The following PKP2 variants were observed in gnomAD, a reference collection of about 807,000 sequenced individuals.
The protein encoded by PKP2 is plakophilin 2, also known as plakophilin-2.
Under a neutral mutation model 83.4 loss-of-function variants are expected in PKP2, and 73 were observed. The observed-to-expected ratio is 0.88, with a 90% confidence interval of 0.72 to 1.06. PKP2 has a LOEUF of 1.06. PKP2 is among the 50% of genes least tolerant of loss of function. The pLI is 0.00. For missense variants in PKP2, 966 were observed against 1,065.4 expected, an observed-to-expected ratio of 0.91 and a Z score of 1.30; for synonymous variants, 409 against 430.4, an observed-to-expected ratio of 0.95 and a Z score of 0.62.
chr12:32,849,014 A>G (rs562953165), intron 5 of PKP2, among the ~76,000 whole-genome samples: 45 of 151,888 alleles, frequency 3.0e-4, no homozygotes, highest in African/African-American at 1.0e-3. Flanking sequence ...TTAAAAAAAA[A>G]AAAAAAAAAA....
At position 32,865,681 on chromosome 12, in the gene PKP2, C is replaced by CAAAAAAAAAAA. The variant is rs765071380; in HGVS notation, c.1170+3235_1170+3245dup. Among the ~76,000 whole-genome samples the CAAAAAAAAAAA allele has an allele frequency of 1.1e-3, 111 of 103,650 alleles. 11 individuals are homozygous for CAAAAAAAAAAA. The highest frequency in any genetic ancestry group is 5.5e-3 in the African/African-American group (98 of 17,872). 68.0% of individuals were successfully genotyped at this position (103,650 alleles called of 152,430 possible). A position where few individuals can be genotyped will look rare whatever the true frequency, so the allele number is the denominator to read the frequency against. ...TGTCTGGAACAGAGTGACTCCGTCT[C>CAAAAAAAAAAA]AAAAAAAAAAAGACAAATAGATCAA... On this transcript the variant is annotated intron_variant, in intron 4 of 12. Coordinates refer to ENST00000340811, the MANE Select transcript of PKP2 (RefSeq NM_001005242.3).
chr12:32,846,345 T>A (rs2137847650), intron 5 of PKP2, among the ~76,000 whole-genome samples: 1 of 149,990 alleles, frequency 6.7e-6, no homozygotes, highest in South Asian at 2.1e-4. Flanking sequence ...GTGGGGGGAG[T>A]GGGGGTGTCT....
At chr12:32,874,963 G>T (rs1419405751) in intron 3 of PKP2, among the ~76,000 whole-genome samples, 1 of 152,038 alleles carries the variant, frequency 6.6e-6, no homozygotes, top group African/African-American at 2.4e-5. Context: ...TGCCCAAGCT[G>T]GTCTCAAACT....
intron 6 of PKP2, among the ~76,000 whole-genome samples, chr12:32,834,143 C>A (rs1565584593): frequency 6.6e-6 from 1 of 152,150 alleles, no homozygotes; most frequent in Non-Finnish European, 1.5e-5. Flanking sequence ...AACTTTCATC[C>A]CTCTCTTAAA....
intron 5 of PKP2, among the ~76,000 whole-genome samples, chr12:32,844,449 GAT>G (rs1399978320): frequency 6.6e-6 from 1 of 152,086 alleles, no homozygotes; most frequent in African/African-American, 2.4e-5. Context: ...AAAACCAACT[GAT>G]ATTAGGAGCT....
At chr12:32,814,707 T>C (rs1956304977) in intron 9 of PKP2, among the ~76,000 whole-genome samples, 1 of 152,144 alleles carries the variant, frequency 6.6e-6, no homozygotes, top group Non-Finnish European at 1.5e-5. Flanking sequence ...GCAGATCACC[T>C]GAGGTCAGGA....
chr12:32,830,033 C>T lies in PKP2; in HGVS notation c.1557-5871G>A, dbSNP rs569041096. Among the ~76,000 whole-genome samples, 74 of 152,262 alleles carry T rather than the reference C, an allele frequency of 4.9e-4. No homozygotes were observed. The Middle Eastern group carries it at 0.01, about 21-fold the overall frequency. On this transcript the variant is annotated intron_variant, in intron 6 of 12. Transcript: ENST00000340811. Reference sequence around the variant, plus strand: ...CTCAATGGTTTTAAAAAATTATGCACGCATCACCAACAAGTATAGACTTCC... The same window carrying T: ...CTCAATGGTTTTAAAAAATTATGCATGCATCACCAACAAGTATAGACTTCC...
At chr12:32,816,072 T>C (rs962582923) in intron 9 of PKP2, among the ~76,000 whole-genome samples, 20 of 152,314 alleles carry the variant, frequency 1.3e-4, no homozygotes, top group Admixed American at 1.3e-3. Context: ...CAAATGTTTA[T>C]TGGCCTTTAA....
chr12:32,860,392 T>C (rs770353060), intron 4 of PKP2, among the ~76,000 whole-genome samples: 1 of 152,174 alleles, frequency 6.6e-6, no homozygotes, highest in African/African-American at 2.4e-5. Context: ...CAGCTCCTCA[T>C]GTTCACACAG....
intron 6 of PKP2, among the ~76,000 whole-genome samples, chr12:32,836,970 T>C (rs1390749241): frequency 6.6e-6 from 1 of 152,228 alleles, no homozygotes. Context: ...ACATTTACCC[T>C]GAAGTTGTCT....
intron 5 of PKP2, among the ~76,000 whole-genome samples, chr12:32,846,552 C>A (rs972386470): frequency 1.3e-5 from 2 of 151,992 alleles, no homozygotes; most frequent in Non-Finnish European, 2.9e-5. Flanking sequence ...CGAGACCAGC[C>A]TGACCAACAT....
chr12:32,870,071 G>C (rs1186479874), intron 3 of PKP2, among the ~76,000 whole-genome samples: 1 of 152,118 alleles, frequency 6.6e-6, no homozygotes, highest in South Asian at 2.1e-4. Flanking sequence ...ATGCTTTAAA[G>C]GTAATTTAGG....
chr12:32,845,322 G>C (rs1027499393), intron 5 of PKP2, among the ~76,000 whole-genome samples: 9 of 152,152 alleles, frequency 5.9e-5, no homozygotes, highest in African/African-American at 1.9e-4. Flanking sequence ...GAGGCCGAGG[G>C]GGGCGGATCA....
intron 6 of PKP2, chr12:32,824,366 C>T (rs969007608): frequency 2.5e-5 from 14 of 570,970 alleles, no homozygotes; most frequent in South Asian, 1.4e-4. Flanking sequence ...CCAAACAACA[C>T]GTAATTGTGT....
chr12:32,838,071 T>C (rs1482264968), intron 6 of PKP2, among the ~76,000 whole-genome samples: 3 of 152,140 alleles, frequency 2.0e-5, no homozygotes, highest in Admixed American at 6.6e-5. Flanking sequence ...AACAAAGACA[T>C]GGCTAGGTTC....
At chr12:32,844,319 C>G (rs1189469875) in intron 5 of PKP2, among the ~76,000 whole-genome samples, 1 of 152,082 alleles carries the variant, frequency 6.6e-6, no homozygotes, top group African/African-American at 2.4e-5. Context: ...GAGTAACCAA[C>G]TACAAACTGG....
chr12:32,844,545 G>A (rs1956629581), intron 5 of PKP2, among the ~76,000 whole-genome samples: 1 of 152,092 alleles, frequency 6.6e-6, no homozygotes, highest in Admixed American at 6.6e-5. Flanking sequence ...GACTAGAGGA[G>A]GCAAAACCAG....
intron 3 of PKP2, among the ~76,000 whole-genome samples, chr12:32,871,264 T>C (rs1398225008): frequency 6.6e-6 from 1 of 152,110 alleles, no homozygotes; most frequent in East Asian, 1.9e-4. Flanking sequence ...TCACCCATTC[T>C]TCAAGACTCA....
At chr12:32,852,613 A>T (rs966927682) in intron 4 of PKP2, among the ~76,000 whole-genome samples, 2 of 152,132 alleles carry the variant, frequency 1.3e-5, no homozygotes, top group African/African-American at 4.8e-5. Context: ...GATTGCAAGA[A>T]CCTTAAGAAG....
Sources: gnomAD v4.1 joint callset for allele counts (sites outside exome capture counted in the v4.1 genomes callset) on GRCh38, gnomAD v4.1.1 for gene constraint, MANE v1.5 for transcripts, NCBI Gene and HGNC (gene_info 2026-07-23, HGNC 2026-07-21) for gene names.